Variants in KRABD4 observed in about 807,000 individuals in gnomAD.
The protein encoded by KRABD4 is KRAB domain-containing protein 4.
the KRABD4 span, among the ~76,000 whole-genome samples, chrX:46,464,801 T>TGAG: frequency 4.5e-5 from 5 of 112,228 alleles, no homozygotes; most frequent in Non-Finnish European, 9.4e-5. Flanking sequence ...TCTACCCTCC[T>TGAG]GAGTCCCAAT....
At chrX:46,452,090 A>C in the KRABD4 span, among the ~76,000 whole-genome samples, 1 of 111,943 alleles carries the variant, frequency 8.9e-6, no homozygotes, top group Admixed American at 9.5e-5. Context: ...GACTACAGGC[A>C]CATGCCACCA....
At chrX:46,472,596 G>A in the KRABD4 span, 1 of 508,745 alleles carries the variant, frequency 2.0e-6, no homozygotes, top group Non-Finnish European at 3.2e-6. Context: ...ACTCAGGGGA[G>A]GTGGTGGTGG....
the KRABD4 span, among the ~76,000 whole-genome samples, chrX:46,471,720 CAT>C: frequency 2.7e-5 from 3 of 112,185 alleles, no homozygotes; most frequent in Non-Finnish European, 5.6e-5. Flanking sequence ...TAGTTGGAAT[CAT>C]ATAGTATGTA....
chrX:46,473,588 T>C, the KRABD4 span: 1 of 474,192 alleles, frequency 2.1e-6, no homozygotes, highest in Non-Finnish European at 3.5e-6. Flanking sequence ...TTGCATGCTA[T>C]TGTGAATAGT....
chrX:46,449,294 A>T, the KRABD4 span, among the ~76,000 whole-genome samples: 1 of 111,117 alleles, frequency 9.0e-6, no homozygotes, highest in African/African-American at 3.3e-5. Context: ...GCTGTTACCC[A>T]CCCAGCCCCA....
At chrX:46,451,384 T>G in the KRABD4 span, among the ~76,000 whole-genome samples, 1 of 112,378 alleles carries the variant, frequency 8.9e-6, no homozygotes, top group Non-Finnish European at 1.9e-5. Flanking sequence ...CTTTTGCACC[T>G]GATTACTTTC....
the KRABD4 span, chrX:46,454,864 T>C: frequency 8.5e-6 from 1 of 118,049 alleles, no homozygotes; most frequent in East Asian, 2.5e-4. Flanking sequence ...TTTTTATTTT[T>C]ATTTTTTTTA....
chrX:46,455,422 G>C, the KRABD4 span: 1 of 450,147 alleles, frequency 2.2e-6, no homozygotes, highest in South Asian at 2.8e-5. Flanking sequence ...CTGCATCAAA[G>C]TTACCACTGT....
chrX:46,464,246 C>A, the KRABD4 span, among the ~76,000 whole-genome samples: 1 of 111,468 alleles, frequency 9.0e-6, no homozygotes, highest in South Asian at 3.7e-4. Flanking sequence ...CTTCACTGGC[C>A]CATGGCAAAG....
the KRABD4 span, chrX:46,471,120 G>C: frequency 8.6e-7 from 1 of 1,160,824 alleles, no homozygotes; most frequent in Admixed American, 2.6e-5. Context: ...AATAATTGTG[G>C]ATTTGTCTGT....
At chrX:46,453,534 G>A in the KRABD4 span, among the ~76,000 whole-genome samples, 5 of 111,201 alleles carry the variant, frequency 4.5e-5, no homozygotes, top group Admixed American at 4.8e-4. Context: ...ACATAAATAA[G>A]GAAACATAAG....
At chrX:46,469,004 A>G in the KRABD4 span, among the ~76,000 whole-genome samples, 2 of 112,007 alleles carry the variant, frequency 1.8e-5, no homozygotes, top group South Asian at 7.3e-4. Context: ...TATATAATGT[A>G]AACATTCTGG....
the KRABD4 span, chrX:46,450,627 C>T: frequency 1.3e-4 from 58 of 448,364 alleles, no homozygotes; most frequent in African/African-American, 1.2e-3. Context: ...TGATCCTCCC[C>T]GTCACCAGGA....
At chrX:46,455,381 G>A in the KRABD4 span, 127,443 of 468,155 alleles carry the variant, frequency 0.27, 13,177 homozygotes, top group Middle Eastern at 0.33. Context: ...TCCTCAGGGA[G>A]TGGATCTTTG....
At chrX:46,457,898 C>T in the KRABD4 span, among the ~76,000 whole-genome samples, 7 of 109,921 alleles carry the variant, frequency 6.4e-5, no homozygotes, top group Non-Finnish European at 1.1e-4. Context: ...CCTGCCACCA[C>T]GCCCAGCTAA....
chrX:46,461,797 TTG>T, the KRABD4 span, among the ~76,000 whole-genome samples: 1 of 111,801 alleles, frequency 8.9e-6, no homozygotes, highest in Non-Finnish European at 1.9e-5. Context: ...GAACTGTTTG[TTG>T]TAGCTCTGTG....
the KRABD4 span, chrX:46,462,606 A>C: frequency 1.9e-6 from 2 of 1,065,200 alleles, no homozygotes; most frequent in East Asian, 6.4e-5. Flanking sequence ...TGGGTTAGTT[A>C]CTTAGGCTCT....
the KRABD4 span, chrX:46,471,009 G>A: frequency 1.7e-6 from 1 of 597,358 alleles, no homozygotes; most frequent in African/African-American, 2.3e-5. Context: ...TGTCAATTAG[G>A]TGAAGTTGGT....
the KRABD4 span, chrX:46,473,784 AG>A: frequency 7.0e-6 from 1 of 142,770 alleles, no homozygotes; most frequent in African/African-American, 3.2e-5. Flanking sequence ...CCTCCCAAAT[AG>A]TTGGGATTAC....
Sources: allele counts gnomAD v4.1 joint callset (sites outside exome capture counted in the v4.1 genomes callset), GRCh38; gene constraint gnomAD v4.1.1; transcripts MANE v1.5; gene names NCBI Gene and HGNC (gene_info 2026-07-23, HGNC 2026-07-21).